Variants in PIGU observed in about 807,000 individuals in gnomAD.
PIGU encodes phosphatidylinositol glycan anchor biosynthesis class U.
PIGU carries 24 observed loss-of-function variants against 49.9 expected under a neutral mutation model. The observed-to-expected ratio is 0.48, with a 90% confidence interval of 0.35 to 0.68. The LOEUF (loss-of-function observed/expected upper bound fraction) is 0.68. Ranked by LOEUF, PIGU falls within the 30% of genes least tolerant of loss-of-function variation. PIGU has a pLI of 0.01. For missense variants in PIGU, 490 were observed against 532.6 expected (o/e 0.92, Z 0.79); for synonymous variants, 220 against 205.7 (o/e 1.07, Z -0.59).
intron 1 of PIGU, among the ~76,000 whole-genome samples, chr20:34,668,513 G>A (rs1394495440): frequency 7.4e-6 from 1 of 135,568 alleles, no homozygotes; most frequent in Non-Finnish European, 1.5e-5. Context: ...GCTCACACCC[G>A]TAATCCCAGC....
intron 6 of PIGU, among the ~76,000 whole-genome samples, chr20:34,619,019 GAGAGA>G (rs1297898134): frequency 6.6e-6 from 1 of 152,218 alleles, no homozygotes; most frequent in Middle Eastern, 3.2e-3. Context: ...CGAGAGAGTG[GAGAGA>G]AAAGAACTTT....
chr20:34,584,321 T>C (rs942071568), intron 9 of PIGU, among the ~76,000 whole-genome samples: 3 of 152,082 alleles, frequency 2.0e-5, no homozygotes, highest in African/African-American at 7.2e-5. Context: ...TCTCTTAGAC[T>C]GCAGAAGAGG....
At chr20:34,662,019 G>C (rs928993548) in intron 1 of PIGU, among the ~76,000 whole-genome samples, 1 of 151,910 alleles carries the variant, frequency 6.6e-6, no homozygotes, top group Non-Finnish European at 1.5e-5. Context: ...TCATATGCTT[G>C]TTGGCCACAT....
At chr20:34,620,548 A>G (rs1032432599) in intron 6 of PIGU, among the ~76,000 whole-genome samples, 2 of 152,194 alleles carry the variant, frequency 1.3e-5, no homozygotes, top group Non-Finnish European at 2.9e-5. Flanking sequence ...GCGGTGGCTC[A>G]TGCCTGTAAT....
chr20:34,606,114 G>A (rs758616802), intron 7 of PIGU, among the ~76,000 whole-genome samples: 7 of 152,066 alleles, frequency 4.6e-5, no homozygotes, highest in Non-Finnish European at 4.4e-5. Context: ...AATTAGCCAG[G>A]CGTGGTGGCA....
intron 7 of PIGU, among the ~76,000 whole-genome samples, chr20:34,613,243 C>G (rs745856278): frequency 2.6e-5 from 4 of 152,156 alleles, no homozygotes; most frequent in Non-Finnish European, 5.9e-5. Context: ...CTTCCTACTC[C>G]CATCTACCCG....
In PIGU at chr20:34,655,665, C is replaced by T. The variant is rs1403080413; in HGVS notation, c.195+1515G>A. Among the ~76,000 whole-genome samples the T allele has an allele frequency of 1.7e-5, 2 of 120,854 alleles. 1 individual carries two copies. Among genetic ancestry groups the T allele is most frequent in the Non-Finnish European group, 3.5e-5 (2 of 56,580 alleles). The allele number at this position is 120,854 out of a possible 152,430, so 79.3% of individuals were successfully genotyped here. On this transcript the variant is annotated intron_variant, in intron 2 of 11. Transcript: ENST00000217446. ...TTCCAGCCTGGGTGACAGAGCAAGA[C>T]TCTGTCTCAAAAAAATAAAAAAGAA...
chr20:34,663,655 C>T (rs760242593), intron 1 of PIGU, among the ~76,000 whole-genome samples: 22 of 152,060 alleles, frequency 1.4e-4, no homozygotes, highest in Non-Finnish European at 2.2e-4. Flanking sequence ...TGCTCAAGAC[C>T]GTTGTAACTG....
At chr20:34,660,026 A>G (rs1986880597) in intron 1 of PIGU, among the ~76,000 whole-genome samples, 1 of 147,208 alleles carries the variant, frequency 6.8e-6, no homozygotes, top group Non-Finnish European at 1.5e-5. Flanking sequence ...CCCCTCTGCG[A>G]GAAACACCCA....
chr20:34,588,993 C>T (rs1049038415), intron 7 of PIGU, among the ~76,000 whole-genome samples: 14 of 152,048 alleles, frequency 9.2e-5, no homozygotes, highest in African/African-American at 3.4e-4. Context: ...TAAATGTCAA[C>T]ATGGCTAGAT....
At position 34,606,250 on chromosome 20, in the gene PIGU, G is replaced by A. The variant is rs764130307; in HGVS notation, c.627+9792C>T. 5.4e-5 allele frequency among the ~76,000 whole-genome samples: 6 copies of A among 111,912 alleles called. No individual in the cohort carries two copies. In the East Asian group the frequency reaches 1.1e-3, roughly 20 times the overall value. 73.4% of individuals were successfully genotyped at this position (111,912 alleles called of 152,430 possible). ...AGCCTAGGCGACAGAGTGAGACTCCGTCTCAAAAAAAAAAAAAAAAAAAAA... is the reference window on the plus strand; with the variant it reads ...AGCCTAGGCGACAGAGTGAGACTCCATCTCAAAAAAAAAAAAAAAAAAAAA... On this transcript the variant is annotated intron_variant, in intron 7 of 11. Coordinates refer to ENST00000217446, the MANE Select transcript of PIGU (RefSeq NM_080476.5).
chr20:34,644,154 A>G lies in PIGU; in HGVS notation c.318+10T>C. The G allele has an allele frequency of 1.2e-6, 2 of 1,601,226 alleles. No homozygotes were observed. The highest frequency in any genetic ancestry group is 1.7e-6 in the Non-Finnish European group (2 of 1,168,390). ...TTCCACCAGCTTTGCTCCACCCACA[A>G]ACTACTTACCACAACTTTATTGAAG... On this transcript the variant is annotated intron_variant, in intron 4 of 11. Transcript: ENST00000217446.
At chr20:34,638,141 C>T (rs998014788) in intron 4 of PIGU, among the ~76,000 whole-genome samples, 156 bp from the exon 5 acceptor site, 1 of 152,206 alleles carries the variant, frequency 6.6e-6, no homozygotes, top group African/African-American at 2.4e-5. Context: ...CCCTCCCCAT[C>T]CCCTTTCTGG....
intron 11 of PIGU, 142 bp from the exon 12 acceptor site, chr20:34,561,121 G>C (rs1031458375): frequency 1.1e-5 from 7 of 621,542 alleles, no homozygotes; most frequent in African/African-American, 1.9e-5. Flanking sequence ...GCCCTCCTCA[G>C]GGCCCCCACC....
At chr20:34,646,431 T>TG (rs1986346299) in intron 2 of PIGU, among the ~76,000 whole-genome samples, 1 of 152,146 alleles carries the variant, frequency 6.6e-6, no homozygotes, top group Non-Finnish European at 1.5e-5. Context: ...TTTTTTGAGA[T>TG]GGAGTCTCGC....
At chr20:34,598,870 C>T (rs972261724) in intron 7 of PIGU, among the ~76,000 whole-genome samples, 7 of 152,108 alleles carry the variant, frequency 4.6e-5, no homozygotes, top group Non-Finnish European at 8.8e-5. Context: ...TTCAGGGTCT[C>T]GCTTTGTTGC....
chr20:34,639,679 C>T (rs755739423), intron 4 of PIGU, among the ~76,000 whole-genome samples: 2 of 152,064 alleles, frequency 1.3e-5, no homozygotes, highest in Non-Finnish European at 2.9e-5. Context: ...TTTTAGAAGA[C>T]CATCTTTCAG....
chr20:34,645,483 C>A, intron 2 of PIGU, 149 bp from the exon 3 acceptor site: 1 of 1,154,320 alleles, frequency 8.7e-7, no homozygotes, highest in Non-Finnish European at 1.1e-6. Context: ...CGCCAGCTGG[C>A]CGGTGTGCTT....
rs150793656 is a variant in PIGU at position 34,637,921 on chromosome 20, C to T, written c.383G>A (p.Arg128Gln). Reference protein sequence around the residue: ...QYAPDVAELIRTPMEMRYIPL... With the variant: ...QYAPDVAELIQTPMEMRYIPL... The stretch of plus-strand genomic sequence containing the variant: ...GATGTAACGCATTTCCATAGGGGTC[C>T]GGATGAGTTCGGCCACATCTGGGGC... Residue 128 changes from arginine to glutamine, a missense_variant, in exon 5 of 12, where the codon CGG (arginine) becomes CAG (glutamine). Transcript: ENST00000217446. The T allele has an allele frequency of 2.1e-5, 33 of 1,608,112 alleles. No homozygotes were observed. The African/African-American group carries it at 2.2e-4, about 10-fold the overall frequency.
Sources: allele counts gnomAD v4.1 joint callset (sites outside exome capture counted in the v4.1 genomes callset), GRCh38; gene constraint gnomAD v4.1.1; transcripts MANE v1.5; gene names NCBI Gene and HGNC (gene_info 2026-07-23, HGNC 2026-07-21).